HDAC9: variants seen among roughly 807,000 people sequenced by gnomAD.
HDAC9 encodes the protein histone deacetylase 9.
In HDAC9, 41 loss-of-function variants were observed where a neutral mutation model predicts 139.4. That is an observed-to-expected ratio of 0.29 (90% CI 0.23 to 0.38). The LOEUF (loss-of-function observed/expected upper bound fraction) is 0.38. Ranked by LOEUF, HDAC9 falls within the 10% of genes least tolerant of loss-of-function variation. The probability of loss-of-function intolerance (pLI) is 1.00; values close to 1 mark genes in which losing one functional copy is unlikely to be tolerated. For synonymous variants in HDAC9, 517 were observed against 476.2 expected (o/e 1.09, Z -1.12); for missense variants, 1,147 against 1,297.0 (o/e 0.88, Z 1.78).
intron 1 of HDAC9, among the ~76,000 whole-genome samples, chr7:18,116,429 C>T (rs1584137101): frequency 6.6e-6 from 1 of 152,008 alleles, no homozygotes; most frequent in Non-Finnish European, 1.5e-5. Context: ...ACTGTGTATT[C>T]CCTTATACTG....
In HDAC9 at chr7:18,999,421, T is replaced by C. The variant is rs573910280; in HGVS notation, c.*3359T>C. On this transcript the variant is annotated 3_prime_UTR_variant, in exon 26 of 26. Coordinates refer to ENST00000686413, the MANE Select transcript of HDAC9 (RefSeq NM_178425.4). Reference sequence around the variant, plus strand: ...TAAAATAGAATGATCATTTGGAAAGTCTCCTGGGAAAAAATTCCTCTTCAA... The same window carrying C: ...TAAAATAGAATGATCATTTGGAAAGCCTCCTGGGAAAAAATTCCTCTTCAA... The C allele has an allele frequency of 5.3e-5, 8 of 152,192 alleles. No individual in the cohort carries two copies. The highest frequency in any genetic ancestry group is 1.7e-4 in the African/African-American group (7 of 41,438). 9.4% of individuals were successfully genotyped at this position (152,192 alleles called of 1,614,324 possible). A position where few individuals can be genotyped will look rare whatever the true frequency, so the allele number is the denominator to read the frequency against.
At chr7:18,185,852 C>T (rs912580908) in intron 2 of HDAC9, among the ~76,000 whole-genome samples, 5 of 152,122 alleles carry the variant, frequency 3.3e-5, no homozygotes, top group Non-Finnish European at 5.9e-5. Context: ...ATAAAGAAAG[C>T]ATGATTACTC....
At chr7:18,547,876 C>CCTCT (rs1563230567) in intron 2 of HDAC9, among the ~76,000 whole-genome samples, 4 of 132,038 alleles carry the variant, frequency 3.0e-5, no homozygotes, top group South Asian at 2.5e-4. Flanking sequence ...TCCCTCCCTC[C>CCTCT]CTCCCTCTCT....
At chr7:18,162,158 C>T in intron 1 of HDAC9, 2 of 625,110 alleles carry the variant, frequency 3.2e-6, no homozygotes, top group Non-Finnish European at 5.6e-6. Flanking sequence ...AAGGCCAGTT[C>T]TCTGTGTTTC....
At chr7:18,165,318 C>T (rs1787928246) in intron 2 of HDAC9, among the ~76,000 whole-genome samples, 1 of 152,124 alleles carries the variant, frequency 6.6e-6, no homozygotes, top group Admixed American at 6.5e-5. Flanking sequence ...TTGCTCTTTG[C>T]TATGACTTGG....
At chr7:18,424,376 A>G (rs1789917760) in intron 1 of HDAC9, among the ~76,000 whole-genome samples, 1 of 152,238 alleles carries the variant, frequency 6.6e-6, no homozygotes, top group Admixed American at 6.5e-5. Context: ...GAAAATAATT[A>G]TACCTACTTC....
chr7:18,689,457 A>T (rs1782517411), intron 12 of HDAC9, among the ~76,000 whole-genome samples: 1 of 152,012 alleles, frequency 6.6e-6, no homozygotes, highest in South Asian at 2.1e-4. Flanking sequence ...AAAGGCAAAG[A>T]GGAAGAAAAA....
chr7:18,587,001 G>A (rs2128807754), intron 3 of HDAC9, among the ~76,000 whole-genome samples: 1 of 152,020 alleles, frequency 6.6e-6, no homozygotes, highest in East Asian at 1.9e-4. Context: ...TGAGTAAAAT[G>A]TACATTTTTC....
chr7:18,410,375 A>G (rs1314576103), intron 1 of HDAC9, among the ~76,000 whole-genome samples: 1 of 152,126 alleles, frequency 6.6e-6, no homozygotes, highest in African/African-American at 2.4e-5. Flanking sequence ...TGGATGAACA[A>G]TCCTGTTGGG....
At chr7:18,864,674 C>T (rs1386790687) in intron 21 of HDAC9, among the ~76,000 whole-genome samples, 2 of 151,314 alleles carry the variant, frequency 1.3e-5, no homozygotes, top group African/African-American at 4.9e-5. Flanking sequence ...ATTTTATCAC[C>T]CTTGAACCTC....
At chr7:18,322,848 C>G (rs1482864114) in intron 1 of HDAC9, among the ~76,000 whole-genome samples, 2 of 152,042 alleles carry the variant, frequency 1.3e-5, no homozygotes, top group African/African-American at 2.4e-5. Flanking sequence ...AGAAAAATAC[C>G]TCCAATAAGC....
chr7:18,867,844 A>G (rs1325758204), intron 21 of HDAC9, among the ~76,000 whole-genome samples: 1 of 151,920 alleles, frequency 6.6e-6, no homozygotes, highest in Non-Finnish European at 1.5e-5. Flanking sequence ...ATATTTTCCC[A>G]TCTATTTTAT....
At chr7:18,519,102 T>C (rs1248335362) in intron 2 of HDAC9, among the ~76,000 whole-genome samples, 10 of 152,200 alleles carry the variant, frequency 6.6e-5, no homozygotes, top group Admixed American at 6.5e-4. Flanking sequence ...CCCTACTTCA[T>C]AGATCAATAT....
chr7:18,787,669 C>T (rs553240948), intron 16 of HDAC9, among the ~76,000 whole-genome samples: 3 of 152,306 alleles, frequency 2.0e-5, no homozygotes, highest in African/African-American at 7.2e-5. Flanking sequence ...CCTCACTAGC[C>T]TGTGTGTACA....
chr7:18,440,980 G>C (rs1472640212), intron 1 of HDAC9, among the ~76,000 whole-genome samples: 1 of 152,126 alleles, frequency 6.6e-6, no homozygotes, highest in Admixed American at 6.5e-5. Flanking sequence ...AGTGCATTAG[G>C]GACACGAGAT....
At chr7:18,267,884 A>G (rs1796101114) in intron 2 of HDAC9, among the ~76,000 whole-genome samples, 1 of 152,110 alleles carries the variant, frequency 6.6e-6, no homozygotes, top group African/African-American at 2.4e-5. Flanking sequence ...GCTGTTTATG[A>G]TAGACAATAA....
At chr7:18,737,013 T>C (rs1786979184) in intron 13 of HDAC9, among the ~76,000 whole-genome samples, 1 of 152,362 alleles carries the variant, frequency 6.6e-6, no homozygotes, top group African/African-American at 2.4e-5. Context: ...TTTTCTAGTT[T>C]ATTTGCATAG....
Position 18,996,085 on chromosome 7 carries a change from T to G in HDAC9, c.*23T>G, listed in dbSNP as rs1045554268. 1.9e-6 allele frequency: 3 copies of G among 1,585,016 alleles called. No individual in the cohort carries two copies. Among genetic ancestry groups the G allele is most frequent in the South Asian group, 1.1e-5 (1 of 88,012 alleles). ...TGAAGTGCCAAGTCCCCCTCTGATA[T>G]TTCCTGTGTGTGACATCATTGTGTA... On this transcript the variant is annotated 3_prime_UTR_variant, in exon 26 of 26. Transcript: ENST00000686413.
At chr7:18,974,550 T>A (rs1784439291) in intron 24 of HDAC9, among the ~76,000 whole-genome samples, 1 of 152,210 alleles carries the variant, frequency 6.6e-6, no homozygotes, top group South Asian at 2.1e-4. Context: ...TGTTATTGTT[T>A]GGTTCAAATT....
Sources: allele counts gnomAD v4.1 joint callset (sites outside exome capture counted in the v4.1 genomes callset), GRCh38; gene constraint gnomAD v4.1.1; transcripts MANE v1.5; gene names NCBI Gene and HGNC (gene_info 2026-07-23, HGNC 2026-07-21).